The following CTNNA3 variants were observed in gnomAD, a reference collection of about 807,000 sequenced individuals.
The protein encoded by CTNNA3 is catenin alpha-3.
In CTNNA3, 76 loss-of-function variants were observed where a neutral mutation model predicts 95.7. The observed-to-expected ratio is 0.79, with a 90% CI of 0.66 to 0.96. CTNNA3 has a LOEUF of 0.96. CTNNA3 is among the 40% of genes least tolerant of loss of function. CTNNA3 has a pLI of 0.00. For synonymous variants in CTNNA3, 431 were observed against 374.4 expected (o/e 1.15, Z -1.74); for missense variants, 1,191 against 1,089.8 (o/e 1.09, Z -1.31).
chr10:65,980,414 T>C (rs2078293789), intron 16 of CTNNA3, among the ~76,000 whole-genome samples: 1 of 151,804 alleles, frequency 6.6e-6, no homozygotes, highest in Non-Finnish European at 1.5e-5. Flanking sequence ...CAAAGAGGAA[T>C]TGATACCAAT....
intron 7 of CTNNA3, among the ~76,000 whole-genome samples, chr10:66,849,638 CAG>C (rs1326903707): frequency 6.6e-6 from 1 of 152,050 alleles, no homozygotes; most frequent in Non-Finnish European, 1.5e-5. Flanking sequence ...CATACAGAAA[CAG>C]AGAATAAGGC....
At chr10:66,685,184 T>G (rs1265199246) in intron 9 of CTNNA3, among the ~76,000 whole-genome samples, 2 of 105,356 alleles carry the variant, frequency 1.9e-5, no homozygotes, top group African/African-American at 7.4e-5. Context: ...TACACATATA[T>G]ATATACGTGT....
chr10:66,083,146 T>G (rs1439989439), intron 14 of CTNNA3, among the ~76,000 whole-genome samples: 1 of 152,180 alleles, frequency 6.6e-6, no homozygotes, highest in African/African-American at 2.4e-5. Context: ...AAAGCCAATT[T>G]GAATGTTATT....
rs1283842388 is a variant in CTNNA3, at chr10:66,942,591, T to C, written c.1048-167067A>G. 2.0e-5 allele frequency among the ~76,000 whole-genome samples: 3 copies of C among 151,630 alleles called. No homozygotes were observed. The South Asian group carries it at 6.2e-4, about 32-fold the overall frequency. On this transcript the variant is annotated intron_variant, in intron 7 of 17. Coordinates refer to ENST00000433211, the MANE Select transcript of CTNNA3 (RefSeq NM_013266.4). The stretch of plus-strand genomic sequence containing the variant: ...CTCTCTCTCTCTGTGTGTGTGTATG[T>C]GTGTGTGTGTGTCTGCGTGTGTGTG...
intron 13 of CTNNA3, among the ~76,000 whole-genome samples, chr10:66,113,071 T>G (rs1424317501): frequency 6.6e-6 from 1 of 152,166 alleles, no homozygotes; most frequent in Non-Finnish European, 1.5e-5. Flanking sequence ...AGTTGTACCA[T>G]TCTACATTCC....
chr10:66,285,969 T>C (rs1490020839), intron 12 of CTNNA3, among the ~76,000 whole-genome samples: 1 of 152,054 alleles, frequency 6.6e-6, no homozygotes, highest in Non-Finnish European at 1.5e-5. Flanking sequence ...CTGTATAGCA[T>C]GTCATTATAC....
intron 10 of CTNNA3, among the ~76,000 whole-genome samples, chr10:66,556,262 T>C (rs1328186367): frequency 6.6e-6 from 1 of 151,926 alleles, no homozygotes; most frequent in African/African-American, 2.4e-5. Context: ...ACACTGTTAA[T>C]GGGAATGGAA....
intron 7 of CTNNA3, among the ~76,000 whole-genome samples, chr10:66,868,295 G>T (rs1844261643): frequency 6.6e-6 from 1 of 151,404 alleles, no homozygotes; most frequent in South Asian, 2.1e-4. Context: ...AACCCAGGAG[G>T]CAGAGGTTGC....
intron 7 of CTNNA3, among the ~76,000 whole-genome samples, chr10:66,814,765 TTAAA>T (rs564857508): frequency 1.5e-3 from 224 of 151,776 alleles, no homozygotes; most frequent in Non-Finnish European, 2.5e-3. Flanking sequence ...CTATCTCAAA[TTAAA>T]TAAATAAATA....
intron 7 of CTNNA3, among the ~76,000 whole-genome samples, chr10:67,044,435 GA>G (rs1359290070): frequency 6.6e-6 from 1 of 151,908 alleles, no homozygotes; most frequent in Non-Finnish European, 1.5e-5. Flanking sequence ...TTGCTTTTAA[GA>G]AGAGGACAAA....
chr10:66,433,333 T>C (rs1224042221), intron 11 of CTNNA3, among the ~76,000 whole-genome samples: 1 of 152,216 alleles, frequency 6.6e-6, no homozygotes, highest in Admixed American at 6.5e-5. Flanking sequence ...TTTTTAATGA[T>C]TGCCATTCTA....
At chr10:67,528,149 C>T (rs772500540) in intron 4 of CTNNA3, among the ~76,000 whole-genome samples, 1 of 152,092 alleles carries the variant, frequency 6.6e-6, no homozygotes, top group African/African-American at 2.4e-5. Flanking sequence ...TGCATTGGCA[C>T]GGTTAAATTC....
chr10:66,311,303 T>C (rs1052584751), intron 12 of CTNNA3, among the ~76,000 whole-genome samples: 48 of 152,302 alleles, frequency 3.2e-4, no homozygotes, highest in African/African-American at 1.1e-3. Flanking sequence ...TTTCAGTATT[T>C]TTTTCCTATG....
intron 12 of CTNNA3, among the ~76,000 whole-genome samples, chr10:66,320,446 G>A (rs2092165378): frequency 1.3e-5 from 2 of 151,998 alleles, no homozygotes; most frequent in African/African-American, 4.8e-5. Flanking sequence ...AAACAAAATT[G>A]CCATTCAGCC....
At chr10:67,708,854 C>T (rs1015379658) in intron 1 of CTNNA3, among the ~76,000 whole-genome samples, 1 of 152,036 alleles carries the variant, frequency 6.6e-6, no homozygotes, top group African/African-American at 2.4e-5. Context: ...CCCATCAGAA[C>T]TTATACTCTC....
chr10:66,009,596 A>G (rs114794925), intron 15 of CTNNA3, among the ~76,000 whole-genome samples: 1,834 of 152,314 alleles, frequency 0.012, 31 homozygotes, highest in African/African-American at 0.042. Context: ...GAAGACTAAT[A>G]TTTAAAGCCA....
intron 1 of CTNNA3, among the ~76,000 whole-genome samples, chr10:67,745,697 C>A (rs1841371706): frequency 2.0e-5 from 3 of 151,822 alleles, no homozygotes; most frequent in Non-Finnish European, 4.4e-5. Context: ...ATGAAAAAAA[C>A]TGTTAGAGCT....
chr10:66,184,203 G>T (rs1010663393), intron 13 of CTNNA3, among the ~76,000 whole-genome samples: 1 of 152,132 alleles, frequency 6.6e-6, no homozygotes, highest in African/African-American at 2.4e-5. Context: ...GGAGGCTGAG[G>T]CAGGAAAATC....
At chr10:65,963,981 T>C (rs2077906669) in intron 17 of CTNNA3, among the ~76,000 whole-genome samples, 2 of 152,206 alleles carry the variant, frequency 1.3e-5, no homozygotes, top group South Asian at 4.1e-4. Flanking sequence ...CTACTTATTT[T>C]TAACCCACTA....
Sources: allele counts gnomAD v4.1 joint callset (sites outside exome capture counted in the v4.1 genomes callset), GRCh38; gene constraint gnomAD v4.1.1; transcripts MANE v1.5; gene names NCBI Gene and HGNC (gene_info 2026-07-23, HGNC 2026-07-21).